MUC15: variants seen among roughly 807,000 people sequenced by gnomAD.
The protein encoded by MUC15 is mucin-15.
MUC15 carries 23 observed loss-of-function variants against 24.0 expected under a neutral mutation model. That is an observed-to-expected ratio of 0.96 (90% CI 0.69 to 1.36). The LOEUF is 1.36. Ranked by LOEUF, MUC15 falls within the 40% of genes most tolerant of loss-of-function variation. The pLI is 0.00. For synonymous variants in MUC15, 151 were observed against 156.3 expected (o/e 0.97, Z 0.25); for missense variants, 442 against 428.2 (o/e 1.03, Z -0.29).
In MUC15 at chr11:26,559,835, TACACACACACACACAC is replaced by T. The variant is rs71047866; in HGVS notation, c.*1214_*1229del. ...TTATTTTCTGAAGCTGTTTCTGTGT[TACACACACACACACAC>T]ACACACACACACACACACACACACC... is the stretch of plus-strand genomic sequence containing the variant. On this transcript the variant is annotated 3_prime_UTR_variant, in exon 5 of 5. Transcript: ENST00000529533. 46 of 661,846 alleles carry T rather than the reference TACACACACACACACAC, an allele frequency of 7.0e-5. No individual in the cohort carries two copies. Among genetic ancestry groups the T allele is most frequent in the Middle Eastern group, 8.9e-4 (2 of 2,238 alleles). The allele number at this position is 661,846 out of a possible 1,614,324, so 41.0% of individuals were successfully genotyped here. A position where few individuals can be genotyped will look rare whatever the true frequency, so the allele number is the denominator to read the frequency against.
chr11:26,565,176 T>C lies in MUC15; in HGVS notation c.764A>G (p.Asp255Gly), dbSNP rs769451484. ...NNSKLFPNTSDPQKENRNTGI... is the reference protein window; with the variant it reads ...NNSKLFPNTSGPQKENRNTGI... ...TCATTTATATTTACCTTTTTGGGGA[T>C]CTGACGTATTTGGAAAGAGTTTTGA... Residue 255 changes from aspartate to glycine, a missense_variant, in exon 3 of 5, where the codon GAT becomes GGT. By Grantham distance (94) the Asp-to-Gly change is moderately conservative (BLOSUM62 -1). Transcript: ENST00000529533. The C allele has an allele frequency of 3.3e-6, 5 of 1,502,966 alleles. No homozygotes were observed. The Admixed American group carries it at 1.2e-4, about 35-fold the overall frequency. 93.1% of individuals were successfully genotyped at this position (1,502,966 alleles called of 1,614,324 possible). A position where few individuals can be genotyped will look rare whatever the true frequency, so the allele number is the denominator to read the frequency against.
At position 26,559,822 on chromosome 11, in the gene MUC15, G is replaced by C. The variant is rs1203188523; in HGVS notation, c.*1243C>G. On this transcript the variant is annotated 3_prime_UTR_variant, in exon 5 of 5. Transcript: ENST00000529533. ...TACTTTCTATCCCTTATTTTCTGAA[G>C]CTGTTTCTGTGTTACACACACACAC... 9.2e-6 allele frequency: 10 copies of C among 1,081,132 alleles called. No homozygotes were observed. The highest frequency in any genetic ancestry group is 1.4e-5 in the Non-Finnish European group (10 of 718,512). 67.0% of individuals were successfully genotyped at this position (1,081,132 alleles called of 1,614,324 possible).
At chr11:26,567,175 C>T in intron 1 of MUC15, 36 bp from the exon 2 acceptor site, 1 of 1,273,384 alleles carries the variant, frequency 7.9e-7, no homozygotes, top group Non-Finnish European at 1.0e-6. Flanking sequence ...AAAGCCAAGT[C>T]AACTGACTCC....
rs1269962039 is a variant in MUC15, at chr11:26,561,107, G to T, written c.1044C>A (p.Gly348=). 6.2e-7 allele frequency: 1 copy of T among 1,612,240 alleles called. No individual in the cohort carries two copies. Among genetic ancestry groups the T allele is most frequent in the Non-Finnish European group, 8.5e-7 (1 of 1,179,040 alleles). Residue 348 remains glycine (G), a synonymous_variant, in exon 5 of 5, where the codon GGC becomes GGA. Coordinates refer to ENST00000529533, the MANE Select transcript of MUC15 (RefSeq NM_001135091.2). ...GTGGAGGTATGTCATCCATAGGAAT[G>T]CCATCACGTGCATTTTCTTCACTTT... The part of the protein sequence containing the change: ...MPESEENARD[G]IPMDDIPPLR...
Position 26,559,951 on chromosome 11 carries a change from T to G in MUC15, c.*1114A>C. The G allele has an allele frequency of 2.0e-6, 1 of 500,162 alleles. No individual in the cohort carries two copies. The highest frequency in any genetic ancestry group is 3.6e-6 in the Non-Finnish European group (1 of 280,056). 31.0% of individuals were successfully genotyped at this position (500,162 alleles called of 1,614,324 possible). A position where few individuals can be genotyped will look rare whatever the true frequency, so the allele number is the denominator to read the frequency against. ...CTCTCTTCATATATTCAGTGCTTCT[T>G]TAGGAATTTAACTCTTGATCTCATC... is the stretch of plus-strand genomic sequence containing the variant. On this transcript the variant is annotated 3_prime_UTR_variant, in exon 5 of 5. Coordinates refer to ENST00000529533, the MANE Select transcript of MUC15 (RefSeq NM_001135091.2).
At chr11:26,565,989 C>T in intron 2 of MUC15, 93 bp from the exon 3 acceptor site, 1 of 1,218,966 alleles carries the variant, frequency 8.2e-7, no homozygotes, top group Non-Finnish European at 1.1e-6. Flanking sequence ...AAAATCTAGA[C>T]ATAATATAGA....
Position 26,559,214 on chromosome 11 carries a change from A to G in MUC15, c.*1851T>C, listed in dbSNP as rs1850184809. On this transcript the variant is annotated 3_prime_UTR_variant, in exon 5 of 5. Transcript: ENST00000529533. ...AACAAATTAAGATGGGATTTATTAC[A>G]TCTTATAGCCATTATTGGACCCATT... is the stretch of plus-strand genomic sequence containing the variant. The G allele has an allele frequency of 6.6e-6, 1 of 152,522 alleles. No individual in the cohort carries two copies. The highest frequency in any genetic ancestry group is 1.5e-5 in the Non-Finnish European group (1 of 68,238). 9.4% of individuals were successfully genotyped at this position (152,522 alleles called of 1,614,324 possible).
chr11:26,571,996 G>A (rs1850846981), intron 1 of MUC15, 45 bp downstream of exon 1: 3 of 743,556 alleles, frequency 4.0e-6, no homozygotes, highest in African/African-American at 1.9e-5. Context: ...AGTAGAGAGT[G>A]AAAGAGAGAA....
Position 26,565,616 on chromosome 11 carries a change from G to A in MUC15, c.324C>T (p.Ser108=). 1 of 1,612,842 alleles carries A rather than the reference G, an allele frequency of 6.2e-7. No homozygotes were observed. Among genetic ancestry groups the A allele is most frequent in the Non-Finnish European group, 8.5e-7 (1 of 1,179,258 alleles). Residue 108 remains serine, a synonymous_variant, in exon 3 of 5, where the codon AGC becomes AGT. Transcript: ENST00000529533. ...TACTGGAGAAATCTGTTATTCCGTG[G>A]CTGTTGTTGGGTAGATTCAAAGGAG... is the stretch of plus-strand genomic sequence containing the variant. ...HSPPLNLPNN[S]HGITDFSSNS...
Position 26,563,115 on chromosome 11 carries a change from C to G in MUC15, c.925+1G>C. The G allele has an allele frequency of 6.2e-7, 1 of 1,610,958 alleles. No individual in the cohort carries two copies. The highest frequency in any genetic ancestry group is 8.5e-7 in the Non-Finnish European group (1 of 1,178,280). ...GGTGAAGTATTGAAAATAGATTTTA[C>G]CTGGTTCATTTCTGTCGTCATAAAG... is the stretch of plus-strand genomic sequence containing the variant. On this transcript the variant is annotated splice_donor_variant, in intron 4 of 4. Coordinates refer to ENST00000529533, the MANE Select transcript of MUC15 (RefSeq NM_001135091.2). LOFTEE classifies it high-confidence loss of function.
intron 3 of MUC15, among the ~76,000 whole-genome samples, chr11:26,563,639 A>T (rs1014632614): frequency 6.6e-6 from 1 of 151,918 alleles, no homozygotes. Flanking sequence ...TGATGAAATG[A>T]ATTTTGCACT....
intron 1 of MUC15, among the ~76,000 whole-genome samples, chr11:26,568,549 C>T (rs1220329454): frequency 1.3e-5 from 2 of 151,780 alleles, no homozygotes; most frequent in Non-Finnish European, 2.9e-5. Context: ...TTACAAAACA[C>T]TGATAATATA....
chr11:26,562,964 T>C, intron 4 of MUC15, 152 bp downstream of exon 4: 1 of 1,134,262 alleles, frequency 8.8e-7, no homozygotes, highest in Non-Finnish European at 1.2e-6. Context: ...GTTTTGTTCT[T>C]TGATAAACAG....
chr11:26,565,233 G>A lies in MUC15; in HGVS notation c.707C>T (p.Thr236Ile). Residue 236 changes from threonine to isoleucine, a missense_variant, in exon 3 of 5, where the codon ACT becomes ATT. Coordinates refer to ENST00000529533, the MANE Select transcript of MUC15 (RefSeq NM_001135091.2). ...TGFTPYQEKT[T>I]LQPTLKFTNN... ...GGTGAATTTTAAGGTAGGCTGTAGA[G>A]TTGTTTTTTCTTGATAAGGGGTAAA... 4.5e-6 allele frequency: 7 copies of A among 1,542,716 alleles called. No individual in the cohort carries two copies. Among genetic ancestry groups the A allele is most frequent in the Non-Finnish European group, 6.1e-6 (7 of 1,145,930 alleles).
rs1850258274 is a variant in MUC15 at position 26,560,819 on chromosome 11, G to GA, written c.*245dup. On this transcript the variant is annotated 3_prime_UTR_variant, in exon 5 of 5. Transcript: ENST00000529533. ...TGATTCCACAAATATTTTCTACTAA[G>GA]AAAATACTACTAAAATACAAATTAA... The GA allele has an allele frequency of 5.6e-6, 2 of 355,002 alleles. No homozygotes were observed. The highest frequency in any genetic ancestry group is 1.0e-5 in the Non-Finnish European group (2 of 198,790). The allele number at this position is 355,002 out of a possible 1,614,324, so 22.0% of individuals were successfully genotyped here. A position where few individuals can be genotyped will look rare whatever the true frequency, so the allele number is the denominator to read the frequency against.
At chr11:26,564,783 A>AGTT (rs1565109302) in intron 3 of MUC15, among the ~76,000 whole-genome samples, 3,719 of 100,694 alleles carry the variant, frequency 0.037, 215 homozygotes, top group Non-Finnish European at 0.058. Context: ...ATATATATAT[A>AGTT]TAAGTTCAGT....
rs773270933 is a variant in MUC15, at chr11:26,561,127, C to T, written c.1024G>A (p.Glu342Lys). The change falls in exon 5 of 5, where the codon GAA becomes AAA. Residue 342 changes from glutamate to lysine, a missense_variant. Physicochemically the swap from Glu to Lys is moderately conservative, Grantham distance 56. Coordinates refer to ENST00000529533, the MANE Select transcript of MUC15 (RefSeq NM_001135091.2). Reference sequence around the variant, plus strand: ...GGAATGCCATCACGTGCATTTTCTTCACTTTCTGGCATGGCTGAATCATTC... The same window carrying T: ...GGAATGCCATCACGTGCATTTTCTTTACTTTCTGGCATGGCTGAATCATTC... ...TLNDSAMPES[E>K]ENARDGIPMD... The T allele has an allele frequency of 1.2e-6, 2 of 1,612,680 alleles. No homozygotes were observed. The highest frequency in any genetic ancestry group is 1.7e-6 in the Non-Finnish European group (2 of 1,179,288).
intron 2 of MUC15, among the ~76,000 whole-genome samples, 187 bp from the exon 3 acceptor site, chr11:26,566,083 G>A (rs527913361): frequency 8.6e-5 from 13 of 151,834 alleles, no homozygotes; most frequent in Non-Finnish European, 1.5e-4. Flanking sequence ...TGCTTTCCAC[G>A]TAATCTTTCT....
rs749278000 is a variant in MUC15, at chr11:26,565,889, A to T, written c.51T>A (p.Phe17Leu). 3.2e-6 allele frequency: 5 copies of T among 1,564,546 alleles called. No individual in the cohort carries two copies. Among genetic ancestry groups the T allele is most frequent in the South Asian group, 1.2e-5 (1 of 83,230 alleles). ...GCTTCTTTGGTATTGGTTTTTTTTT[A>T]AAGGAATCTGAAAGAAAATAACCAT... ...ILATSRDCYSFKKKPIPKKPT... is the reference protein window; with the variant it reads ...ILATSRDCYSLKKKPIPKKPT... The change falls in exon 3 of 5, where the codon TTT (phenylalanine) becomes TTA (leucine). Residue 17 changes from phenylalanine (F) to leucine (L), a missense_variant. By Grantham distance (22) the Phe-to-Leu change is conservative. Transcript: ENST00000529533.
Sources: allele counts gnomAD v4.1 joint callset (sites outside exome capture counted in the v4.1 genomes callset), GRCh38; gene constraint gnomAD v4.1.1; transcripts MANE v1.5; gene names NCBI Gene and HGNC (gene_info 2026-07-23, HGNC 2026-07-21).